The following AUH variants were observed in gnomAD, a reference collection of about 807,000 sequenced individuals.
AUH encodes the protein methylglutaconyl-CoA hydratase, mitochondrial.
In AUH, 29 loss-of-function variants were observed where a neutral mutation model predicts 42.3. The ratio of observed to expected loss-of-function variants is 0.69; its 90% confidence interval spans 0.51 to 0.93. The LOEUF (loss-of-function observed/expected upper bound fraction) is 0.93, where lower values mean the gene tolerates loss of function less well. AUH is among the 40% of genes least tolerant of loss of function. The pLI is 0.00. For missense variants in AUH, 452 were observed against 438.1 expected (o/e 1.03, Z -0.28); for synonymous variants, 174 against 166.4 (o/e 1.05, Z -0.35).
intron 6 of AUH, chr9:91,294,771 G>GATTCA (rs1446821590): frequency 2.2e-6 from 1 of 455,640 alleles, no homozygotes. Context: ...GACTTGGAGG[G>GATTCA]ATTCAAGACT....
chr9:91,246,064 A>G (rs1828776601), intron 6 of AUH, among the ~76,000 whole-genome samples: 1 of 151,980 alleles, frequency 6.6e-6, no homozygotes, highest in African/African-American at 2.4e-5. Context: ...CGGTGGAGGC[A>G]GCCTGGGAAA....
intron 7 of AUH, among the ~76,000 whole-genome samples, chr9:91,218,340 T>C (rs1191392926): frequency 1.3e-5 from 2 of 152,258 alleles, no homozygotes; most frequent in East Asian, 3.8e-4. Context: ...GATTTGTATA[T>C]ATCATAGACA....
At chr9:91,215,177 C>G (rs1826749457) in intron 9 of AUH, among the ~76,000 whole-genome samples, 1 of 152,102 alleles carries the variant, frequency 6.6e-6, no homozygotes, top group South Asian at 2.1e-4. Context: ...TTCAGATGCC[C>G]TAAAACAAAG....
intron 6 of AUH, among the ~76,000 whole-genome samples, chr9:91,294,114 T>G (rs1827127021): frequency 6.6e-6 from 1 of 152,206 alleles, no homozygotes; most frequent in Non-Finnish European, 1.5e-5. Flanking sequence ...TTTCAAAATA[T>G]TACTGTTCAG....
At chr9:91,225,089 A>C (rs1827360812) in intron 6 of AUH, among the ~76,000 whole-genome samples, 1 of 152,204 alleles carries the variant, frequency 6.6e-6, no homozygotes, top group Non-Finnish European at 1.5e-5. Flanking sequence ...AAAGTACTTA[A>C]ATTTATGAAC....
intron 6 of AUH, among the ~76,000 whole-genome samples, chr9:91,243,966 C>A (rs1255696445): frequency 6.6e-6 from 1 of 152,100 alleles, no homozygotes; most frequent in Non-Finnish European, 1.5e-5. Context: ...GTGGAATGAG[C>A]CATTCTTCTT....
chr9:91,281,580 C>T (rs1361397872), intron 6 of AUH, among the ~76,000 whole-genome samples: 2 of 152,196 alleles, frequency 1.3e-5, no homozygotes, highest in African/African-American at 2.4e-5. Flanking sequence ...GAAGCCAACA[C>T]GTCCAAAACA....
chr9:91,308,196 T>A (rs1346266397), intron 4 of AUH, among the ~76,000 whole-genome samples: 1 of 152,076 alleles, frequency 6.6e-6, no homozygotes, highest in Non-Finnish European at 1.5e-5. Flanking sequence ...AGAAGCTGTA[T>A]CCATCCACTA....
chr9:91,216,310 T>C (rs112544185), intron 8 of AUH, among the ~76,000 whole-genome samples: 1 of 152,106 alleles, frequency 6.6e-6, no homozygotes, highest in African/African-American at 2.4e-5. Flanking sequence ...CTGAGTTACC[T>C]TGGGGAAGTT....
chr9:91,272,497 C>T (rs760933139), intron 6 of AUH, among the ~76,000 whole-genome samples: 1 of 152,186 alleles, frequency 6.6e-6, no homozygotes, highest in Non-Finnish European at 1.5e-5. Context: ...GGCCTCCATT[C>T]GGCCCAGCAG....
chr9:91,322,846 T>C (rs972825309), intron 4 of AUH, among the ~76,000 whole-genome samples: 3 of 152,220 alleles, frequency 2.0e-5, no homozygotes, highest in African/African-American at 4.8e-5. Flanking sequence ...AGACAGAGCT[T>C]ATTCTAGTAA....
chr9:91,242,248 C>G (rs541032008), intron 6 of AUH, among the ~76,000 whole-genome samples: 1 of 152,316 alleles, frequency 6.6e-6, no homozygotes, highest in East Asian at 1.9e-4. Context: ...CAGCATTACA[C>G]TGTGTGAACA....
chr9:91,263,147 A>G (rs1829789453), intron 6 of AUH, among the ~76,000 whole-genome samples: 1 of 152,252 alleles, frequency 6.6e-6, no homozygotes, highest in Non-Finnish European at 1.5e-5. Context: ...CAAATGACCA[A>G]ATGTCTATTT....
At chr9:91,263,590 TTTG>T (rs1179782215) in intron 6 of AUH, among the ~76,000 whole-genome samples, 2 of 152,212 alleles carry the variant, frequency 1.3e-5, no homozygotes, top group African/African-American at 2.4e-5. Context: ...TTTTAAGTGT[TTTG>T]TTTTCTCAAA....
chr9:91,349,840 C>T (rs1312767377), intron 3 of AUH, among the ~76,000 whole-genome samples: 2 of 152,182 alleles, frequency 1.3e-5, no homozygotes, highest in African/African-American at 4.8e-5. Context: ...TCACAAGAAG[C>T]TTTGACTAAC....
chr9:91,215,027 T>A (rs1047507705), intron 9 of AUH, among the ~76,000 whole-genome samples: 7 of 152,324 alleles, frequency 4.6e-5, no homozygotes, highest in African/African-American at 1.4e-4. Flanking sequence ...ACTTTCCTCA[T>A]GGCACGTACT....
At chr9:91,355,529 G>A (rs1832342601) in intron 3 of AUH, among the ~76,000 whole-genome samples, 1 of 151,514 alleles carries the variant, frequency 6.6e-6, no homozygotes, top group Non-Finnish European at 1.5e-5. Flanking sequence ...TGCAGCCTGG[G>A]TGACAGAGCA....
chr9:91,316,015 A>G (rs191479542), intron 4 of AUH, among the ~76,000 whole-genome samples: 8 of 152,362 alleles, frequency 5.3e-5, no homozygotes, highest in African/African-American at 1.9e-4. Flanking sequence ...TGTGTGTATT[A>G]TTCATTTATG....
chr9:91,266,127 C>T lies in AUH; in HGVS notation c.655+29894G>A, dbSNP rs995331895. On this transcript the variant is annotated intron_variant, in intron 6 of 9. Transcript: ENST00000375731. ...CGTGTAATCCCAGCACTTTGGGAGGCTGAGGCGGGTGAATCACAAGGTCAG... is the reference window on the plus strand; with the variant it reads ...CGTGTAATCCCAGCACTTTGGGAGGTTGAGGCGGGTGAATCACAAGGTCAG... Among the ~76,000 whole-genome samples the T allele has an allele frequency of 3.9e-5, 6 of 152,196 alleles. No homozygotes were observed. The East Asian group carries it at 1.2e-3, about 29-fold the overall frequency.
Sources: allele counts gnomAD v4.1 joint callset (sites outside exome capture counted in the v4.1 genomes callset), GRCh38; gene constraint gnomAD v4.1.1; transcripts MANE v1.5; gene names NCBI Gene and HGNC (gene_info 2026-07-23, HGNC 2026-07-21).